Variants in GBX1 observed in about 807,000 individuals in gnomAD.
GBX1 encodes homeobox protein GBX-1.
A neutral mutation model predicts 22.9 loss-of-function variants in GBX1; 9 were observed. The ratio of observed to expected loss-of-function variants is 0.39; its 90% CI spans 0.24 to 0.69. The LOEUF is 0.69. Among genes scored for constraint, GBX1 ranks in the 30% least tolerant of loss-of-function variants. The pLI is 0.43. For missense variants in GBX1, 494 were observed against 509.2 expected, an observed-to-expected ratio of 0.97 and a Z score of 0.29; for synonymous variants, 203 against 227.3, an observed-to-expected ratio of 0.89 and a Z score of 0.96.
At chr7:151,150,785 G>A (rs571411322) in intron 1 of GBX1, among the ~76,000 whole-genome samples, 1 of 152,134 alleles carries the variant, frequency 6.6e-6, no homozygotes, top group Non-Finnish European at 1.5e-5. Context: ...CAAGGCTGGA[G>A]TATAGTGCAC....
chr7:151,166,358 C>G (rs1220208283), intron 1 of GBX1, among the ~76,000 whole-genome samples: 1 of 152,076 alleles, frequency 6.6e-6, no homozygotes, highest in Admixed American at 6.5e-5. Flanking sequence ...TCCTAGTCAG[C>G]ACTTGTCCAG....
At chr7:151,166,484 C>A (rs944099857) in intron 1 of GBX1, among the ~76,000 whole-genome samples, 9 of 125,810 alleles carry the variant, frequency 7.2e-5, no homozygotes, top group East Asian at 2.3e-4. Context: ...ACCCCCCCCC[C>A]CCAACACACA....
chr7:151,167,519 A>C lies in GBX1; in HGVS notation c.30T>G (p.Pro10=). The part of the protein sequence containing the change: MQRAGGGSA[P]GGNGGGGGGG... The stretch of plus-strand genomic sequence containing the variant: ...CGCCGCCGCCCCCGCCGTTGCCCCC[A>C]GGGGCGCTACCGCCTCCGGCCCGCT... The change falls in exon 1 of 2, where the codon CCT becomes CCG. Residue 10 remains proline (P), a synonymous_variant. Transcript: ENST00000297537. The surrounding 1 kb of genome is among the most constrained non-coding windows in gnomAD (Gnocchi z 5.9). 6.8e-7 allele frequency: 1 copy of C among 1,472,982 alleles called. No individual in the cohort carries two copies. Among genetic ancestry groups the C allele is most frequent in the South Asian group, 1.3e-5 (1 of 77,764 alleles). The allele number at this position is 1,472,982 out of a possible 1,614,324, so 91.2% of individuals were successfully genotyped here.
chr7:151,149,987 C>G, intron 1 of GBX1: 1 of 455,758 alleles, frequency 2.2e-6, no homozygotes, highest in South Asian at 1.5e-5. Flanking sequence ...AGTTCAGAAT[C>G]CTGAGGCCCC....
chr7:151,158,179 G>C (rs1348085385), intron 1 of GBX1, among the ~76,000 whole-genome samples: 1 of 152,136 alleles, frequency 6.6e-6, no homozygotes, highest in Non-Finnish European at 1.5e-5. Context: ...AACCAGAAGA[G>C]ACAATGGTCA....
intron 1 of GBX1, among the ~76,000 whole-genome samples, chr7:151,157,490 T>C (rs1233358416): frequency 1.3e-5 from 2 of 152,180 alleles, no homozygotes; most frequent in South Asian, 2.1e-4. Flanking sequence ...CTTCAGACCT[T>C]CACTGCCAGG....
chr7:151,165,375 C>A (rs1036276259), intron 1 of GBX1, among the ~76,000 whole-genome samples: 2 of 152,010 alleles, frequency 1.3e-5, no homozygotes, highest in East Asian at 3.9e-4. Context: ...ACCAAGGGAT[C>A]CCCCCTCCAT....
chr7:151,166,137 G>A (rs779775525), intron 1 of GBX1, among the ~76,000 whole-genome samples: 7 of 152,152 alleles, frequency 4.6e-5, no homozygotes, highest in Non-Finnish European at 1.0e-4. Flanking sequence ...GCTTCTAGGA[G>A]TTAAGGACCA....
chr7:151,159,007 C>T (rs1395634255), intron 1 of GBX1, among the ~76,000 whole-genome samples: 1 of 152,102 alleles, frequency 6.6e-6, no homozygotes, highest in African/African-American at 2.4e-5. Context: ...ACCCAGCTTT[C>T]CTGACCAAAG....
chr7:151,164,294 G>A (rs182074305), intron 1 of GBX1, among the ~76,000 whole-genome samples: 2 of 152,306 alleles, frequency 1.3e-5, no homozygotes, highest in East Asian at 3.9e-4. Flanking sequence ...TCACAGCAGA[G>A]AGCTCTGTCA....
At chr7:151,161,283 TA>T (rs1801185631) in intron 1 of GBX1, among the ~76,000 whole-genome samples, 1 of 152,188 alleles carries the variant, frequency 6.6e-6, no homozygotes, top group African/African-American at 2.4e-5. Flanking sequence ...ATCCTCCTCC[TA>T]ATCATCTATT....
chr7:151,155,411 T>G (rs991524028), intron 1 of GBX1, among the ~76,000 whole-genome samples: 1 of 152,220 alleles, frequency 6.6e-6, no homozygotes, highest in South Asian at 2.1e-4. Context: ...AAAACAGTAC[T>G]TTCTCCGATT....
intron 1 of GBX1, among the ~76,000 whole-genome samples, chr7:151,162,764 TA>T (rs1400519992): frequency 6.6e-6 from 1 of 151,592 alleles, no homozygotes; most frequent in South Asian, 2.1e-4. Flanking sequence ...CCTGAGTGAA[TA>T]ATTGCTCTAG....
chr7:151,150,559 GGTGT>G (rs1313477274), intron 1 of GBX1, among the ~76,000 whole-genome samples: 1 of 152,052 alleles, frequency 6.6e-6, no homozygotes, highest in Non-Finnish European at 1.5e-5. Context: ...AGAGAAAGAG[GGTGT>G]GTGTGTTCAC....
At chr7:151,162,701 C>A (rs1358832820) in intron 1 of GBX1, among the ~76,000 whole-genome samples, 2 of 152,124 alleles carry the variant, frequency 1.3e-5, no homozygotes, top group Non-Finnish European at 2.9e-5. Context: ...GGAGTAGCTA[C>A]CATTCCTCAC....
intron 1 of GBX1, among the ~76,000 whole-genome samples, chr7:151,156,476 C>G (rs1053907783): frequency 1.3e-5 from 2 of 150,506 alleles, no homozygotes; most frequent in African/African-American, 4.9e-5. Context: ...CCACAGAGTC[C>G]TAGCCTAATC....
At chr7:151,150,655 C>T (rs560741890) in intron 1 of GBX1, among the ~76,000 whole-genome samples, 10 of 151,926 alleles carry the variant, frequency 6.6e-5, no homozygotes, top group East Asian at 5.8e-4. Context: ...AAGTTCCCTT[C>T]CCCCTCACAG....
chr7:151,149,173 A>T, intron 1 of GBX1, 31 bp from the exon 2 acceptor site: 1 of 1,570,486 alleles, frequency 6.4e-7, no homozygotes, highest in Non-Finnish European at 8.6e-7. Flanking sequence ...ATGGATGGGG[A>T]GGGAGAAGCA....
intron 1 of GBX1, among the ~76,000 whole-genome samples, chr7:151,163,343 T>C (rs1200271447): frequency 6.6e-6 from 1 of 152,016 alleles, no homozygotes; most frequent in Non-Finnish European, 1.5e-5. Flanking sequence ...CTCTCTTCTC[T>C]CCATTATTCC....
Sources: gnomAD v4.1 joint callset for allele counts (sites outside exome capture counted in the v4.1 genomes callset) on GRCh38, gnomAD v4.1.1 for gene constraint, Gnocchi (gnomAD v3.1) non-coding constraint, MANE v1.5 for transcripts, NCBI Gene and HGNC (gene_info 2026-07-23, HGNC 2026-07-21) for gene names.